The following SCN2B variants were observed in gnomAD, a reference collection of about 807,000 sequenced individuals.
The protein encoded by SCN2B is sodium channel regulatory subunit beta-2.
In SCN2B, 14 loss-of-function variants were observed where a neutral mutation model predicts 18.2. The ratio of observed to expected loss-of-function variants is 0.77; its 90% confidence interval spans 0.51 to 1.21. The LOEUF (loss-of-function observed/expected upper bound fraction) is 1.21, where lower values mean the gene tolerates loss of function less well. Ranked by LOEUF, SCN2B falls within the 50% of genes most tolerant of loss-of-function variation. The pLI, the probability that SCN2B is intolerant of heterozygous loss-of-function variation, is 0.00. For synonymous variants in SCN2B, 115 were observed against 115.3 expected, an observed-to-expected ratio of 1.00 and a Z score of 0.02; for missense variants, 262 against 286.9, an observed-to-expected ratio of 0.91 and a Z score of 0.63.
intron 1 of SCN2B, among the ~76,000 whole-genome samples, chr11:118,169,244 T>C (rs1948411164): frequency 6.6e-6 from 1 of 152,142 alleles, no homozygotes; most frequent in African/African-American, 2.4e-5. Context: ...CCAAACGGCC[T>C]CAAGCCTTTT....
chr11:118,176,482 A>AG lies in SCN2B; in HGVS notation c.-52dup. On this transcript the variant is annotated 5_prime_UTR_variant, in exon 1 of 4. It introduces an in-frame stop codon into an upstream open reading frame of the 5' UTR. Coordinates refer to ENST00000278947, the MANE Select transcript of SCN2B (RefSeq NM_004588.5). ...GTGGGCTACGGGAGAGGGTGATTTGAGGGGGCGAGAACTACAAGGGAGGAA... is the reference window on the plus strand; with the variant it reads ...GTGGGCTACGGGAGAGGGTGATTTGAGGGGGGCGAGAACTACAAGGGAGGAA... 7.2e-7 allele frequency: 1 copy of AG among 1,398,038 alleles called. No individual in the cohort carries two copies. Among genetic ancestry groups the AG allele is most frequent in the Non-Finnish European group, 1.0e-6 (1 of 983,166 alleles). The allele number at this position is 1,398,038 out of a possible 1,614,324, so 86.6% of individuals were successfully genotyped here.
Position 118,166,435 on chromosome 11 carries a change from C to A in SCN2B, c.*452G>T. ...CTCTGGGCTGGGAGCAGGGGAGGAG[C>A]ACAGCCGTGCCAGGCCAAGGCCCTC... On this transcript the variant is annotated 3_prime_UTR_variant, in exon 4 of 4. Coordinates refer to ENST00000278947, the MANE Select transcript of SCN2B (RefSeq NM_004588.5). 1 of 250,682 alleles carries A rather than the reference C, an allele frequency of 4.0e-6. No individual in the cohort carries two copies. Among genetic ancestry groups the A allele is most frequent in the Non-Finnish European group, 7.9e-6 (1 of 125,950 alleles). The allele number at this position is 250,682 out of a possible 1,614,324, so 15.5% of individuals were successfully genotyped here.
intron 1 of SCN2B, among the ~76,000 whole-genome samples, chr11:118,169,416 G>T (rs917467708): frequency 6.6e-6 from 1 of 152,116 alleles, no homozygotes; most frequent in Non-Finnish European, 1.5e-5. Flanking sequence ...CCTTCCAGCT[G>T]AAACTGCAGG....
At chr11:118,176,315 G>T (rs8192612) in intron 1 of SCN2B, 47 bp downstream of exon 1, 2 of 1,514,698 alleles carry the variant, frequency 1.3e-6, no homozygotes, top group South Asian at 1.1e-5. Context: ...TTCACATTGC[G>T]GCTACACTTC....
At chr11:118,170,497 C>T (rs919826802) in intron 1 of SCN2B, among the ~76,000 whole-genome samples, 2 of 152,150 alleles carry the variant, frequency 1.3e-5, no homozygotes, top group Non-Finnish European at 2.9e-5. Flanking sequence ...CAGGGACCAG[C>T]TCACAAAGGC....
intron 1 of SCN2B, among the ~76,000 whole-genome samples, chr11:118,173,193 T>A (rs1007733698): frequency 1.1e-4 from 17 of 152,122 alleles, no homozygotes; most frequent in African/African-American, 3.4e-4. Flanking sequence ...GACCAACCTA[T>A]ACCCTAGCCT....
intron 1 of SCN2B, among the ~76,000 whole-genome samples, chr11:118,175,389 ACTGT>A (rs1461290402): frequency 1.3e-5 from 2 of 152,196 alleles, no homozygotes; most frequent in African/African-American, 4.8e-5. Flanking sequence ...GGGCCTCTGC[ACTGT>A]CTGTGTTTAG....
At position 118,168,901 on chromosome 11, in the gene SCN2B, G is replaced by C. The variant is rs1315054832; in HGVS notation, c.71-150C>G. 2 of 833,928 alleles carry C rather than the reference G, an allele frequency of 2.4e-6. No individual in the cohort carries two copies. The highest frequency in any genetic ancestry group is 1.7e-5 in the African/African-American group (1 of 59,784). 51.7% of individuals were successfully genotyped at this position (833,928 alleles called of 1,614,324 possible). Reference sequence around the variant, plus strand: ...TGACAGCTCCAGTTAATCAGGAGGTGGGAGTTACTGTTATTTGCAACAGGG... The same window carrying C: ...TGACAGCTCCAGTTAATCAGGAGGTCGGAGTTACTGTTATTTGCAACAGGG... On this transcript the variant is annotated intron_variant, in intron 1 of 3. Transcript: ENST00000278947. The surrounding 1 kb of genome is among the most constrained non-coding windows in gnomAD (Gnocchi z 4.7).
chr11:118,168,926 G>T lies in SCN2B; in HGVS notation c.71-175C>A, dbSNP rs990520767. On this transcript the variant is annotated intron_variant, in intron 1 of 3. Coordinates refer to ENST00000278947, the MANE Select transcript of SCN2B (RefSeq NM_004588.5). This position sits in a 1 kb window ranked among gnomAD's most constrained non-coding sequence, Gnocchi z 4.7. ...GGGAGTTACTGTTATTTGCAACAGG[G>T]TCTCTGTTGCCCAAGCTGGAGTGCA... is the stretch of plus-strand genomic sequence containing the variant. Among the ~76,000 whole-genome samples, 1 of 152,136 alleles carries T rather than the reference G, an allele frequency of 6.6e-6. No homozygotes were observed. The highest frequency in any genetic ancestry group is 6.5e-5 in the Admixed American group (1 of 15,282).
At chr11:118,170,918 G>C (rs1410175138) in intron 1 of SCN2B, among the ~76,000 whole-genome samples, 1 of 152,088 alleles carries the variant, frequency 6.6e-6, no homozygotes, top group Non-Finnish European at 1.5e-5. Flanking sequence ...CAGTCCGTAG[G>C]AATTGGCGAA....
At chr11:118,172,476 T>C (rs932073756) in intron 1 of SCN2B, among the ~76,000 whole-genome samples, 1 of 152,152 alleles carries the variant, frequency 6.6e-6, no homozygotes, top group East Asian at 1.9e-4. Flanking sequence ...AGGCATCCGA[T>C]CTCTTGCCGA....
chr11:118,168,411 C>G lies in SCN2B; in HGVS notation c.238-116G>C. The G allele has an allele frequency of 3.9e-6, 5 of 1,266,362 alleles. No homozygotes were observed. The highest frequency in any genetic ancestry group is 4.6e-6 in the Non-Finnish European group (4 of 867,002). 78.4% of individuals were successfully genotyped at this position (1,266,362 alleles called of 1,614,324 possible). A position where few individuals can be genotyped will look rare whatever the true frequency, so the allele number is the denominator to read the frequency against. On this transcript the variant is annotated intron_variant, in intron 2 of 3. Coordinates refer to ENST00000278947, the MANE Select transcript of SCN2B (RefSeq NM_004588.5). The surrounding 1 kb of genome is among the most constrained non-coding windows in gnomAD (Gnocchi z 4.7). Reference sequence around the variant, plus strand: ...TCCTGGGGAAGAGAGGCAGTTACCTCTGTGAGGCACCTGGATGCGCAGCAC... The same window carrying G: ...TCCTGGGGAAGAGAGGCAGTTACCTGTGTGAGGCACCTGGATGCGCAGCAC...
At chr11:118,174,091 C>CTTT (rs1162918445) in intron 1 of SCN2B, among the ~76,000 whole-genome samples, 218 of 66,666 alleles carry the variant, frequency 3.3e-3, no homozygotes, top group Admixed American at 6.3e-3. Flanking sequence ...TTTTTCTTTT[C>CTTT]TTTTTTTTTT....
chr11:118,173,637 C>T (rs750455319), intron 1 of SCN2B, among the ~76,000 whole-genome samples: 16 of 152,192 alleles, frequency 1.1e-4, no homozygotes, highest in Non-Finnish European at 1.9e-4. Flanking sequence ...AAGTCAGCTG[C>T]GACTATGATG....
chr11:118,168,724 G>A lies in SCN2B; in HGVS notation c.98C>T (p.Thr33Ile), dbSNP rs1948406799. 1 of 1,614,114 alleles carries A rather than the reference G, an allele frequency of 6.2e-7. No homozygotes were observed. The highest frequency in any genetic ancestry group is 1.7e-5 in the Admixed American group (1 of 60,016). Residue 33 changes from threonine to isoleucine, a missense_variant, in exon 2 of 4, where the codon ACA (threonine) becomes ATA (isoleucine). Physicochemically the swap from Thr to Ile is moderately conservative, Grantham distance 89. Transcript: ENST00000278947. The surrounding 1 kb of genome is among the most constrained non-coding windows in gnomAD (Gnocchi z 4.7). Reference sequence around the variant, plus strand: ...GAGGACGTTGAGGGTGGCAGGTACTGTGACCTCCATGCTCCGTCCTGGTGG... The same window carrying A: ...GAGGACGTTGAGGGTGGCAGGTACTATGACCTCCATGCTCCGTCCTGGTGG... ...LVPPGRSMEVTVPATLNVLNG... is the reference protein window; with the variant it reads ...LVPPGRSMEVIVPATLNVLNG...
rs1295836354 is a variant in SCN2B at position 118,165,656 on chromosome 11, T to C, written c.*1231A>G. 2.0e-5 allele frequency: 3 copies of C among 152,206 alleles called. No homozygotes were observed. The highest frequency in any genetic ancestry group is 4.8e-5 in the African/African-American group (2 of 41,426). The allele number at this position is 152,206 out of a possible 1,614,324, so 9.4% of individuals were successfully genotyped here. On this transcript the variant is annotated 3_prime_UTR_variant, in exon 4 of 4. Transcript: ENST00000278947. ...CACGCCCAGCTAATTCTTGTATTTT[T>C]AGTAGAGATGGGGTTTTGCCCATTT...
At position 118,174,091 on chromosome 11, in the gene SCN2B, C is replaced by CTTTTGTTTTTTTTTTTTTTTTTTTTTTT. The variant is rs1555101438; in HGVS notation, c.70+2270_70+2271insAAAAAAAAAAAAAAAAAAAAAAACAAAA. Among the ~76,000 whole-genome samples the CTTTTGTTTTTTTTTTTTTTTTTTTTTTT allele has an allele frequency of 5.4e-4, 36 of 66,662 alleles. 2 individuals are homozygous for CTTTTGTTTTTTTTTTTTTTTTTTTTTTT. The highest frequency in any genetic ancestry group is 9.7e-4 in the African/African-American group (15 of 15,542). The allele number at this position is 66,662 out of a possible 152,430, so 43.7% of individuals were successfully genotyped here. A position where few individuals can be genotyped will look rare whatever the true frequency, so the allele number is the denominator to read the frequency against. Reference sequence around the variant, plus strand: ...ACCATGCCTGGCTTATTTTTCTTTTCTTTTTTTTTTTTTTTTTTTTTTTTT... The same window carrying CTTTTGTTTTTTTTTTTTTTTTTTTTTTT: ...ACCATGCCTGGCTTATTTTTCTTTTCTTTTGTTTTTTTTTTTTTTTTTTTTTTTTTTTTTTTTTTTTTTTTTTTTTTTT... On this transcript the variant is annotated intron_variant, in intron 1 of 3. Coordinates refer to ENST00000278947, the MANE Select transcript of SCN2B (RefSeq NM_004588.5).
At chr11:118,172,682 A>G in intron 1 of SCN2B, among the ~76,000 whole-genome samples, 1 of 152,180 alleles carries the variant, frequency 6.6e-6, no homozygotes, top group East Asian at 1.9e-4. Flanking sequence ...CTTAGATCCA[A>G]AACCTCAGCA....
At chr11:118,171,307 A>G (rs1333925208) in intron 1 of SCN2B, among the ~76,000 whole-genome samples, 2 of 152,202 alleles carry the variant, frequency 1.3e-5, no homozygotes, top group Admixed American at 6.5e-5. Context: ...ACAAAGCCCA[A>G]TTCCATCTCC....
Sources: allele counts gnomAD v4.1 joint callset (sites outside exome capture counted in the v4.1 genomes callset), GRCh38; gene constraint gnomAD v4.1.1; non-coding constraint Gnocchi (gnomAD v3.1); transcripts MANE v1.5; gene names NCBI Gene and HGNC (gene_info 2026-07-23, HGNC 2026-07-21).